MYO3A: variants seen among roughly 807,000 people sequenced by gnomAD.
The protein encoded by MYO3A is myosin IIIA.
MYO3A carries 180 observed loss-of-function variants against 192.7 expected under a neutral mutation model. The ratio of observed to expected loss-of-function variants is 0.93; its 90% CI spans 0.83 to 1.06. The LOEUF (loss-of-function observed/expected upper bound fraction) is 1.06, where lower values mean the gene tolerates loss of function less well. MYO3A is among the 50% of genes least tolerant of loss of function. The pLI is 0.00. For missense variants in MYO3A, 1,896 were observed against 1,905.0 expected (o/e 1.00, Z 0.09); for synonymous variants, 628 against 645.3 (o/e 0.97, Z 0.41).
At chr10:26,010,462 T>G (rs28392527) in intron 6 of MYO3A, among the ~76,000 whole-genome samples, 88 of 136,900 alleles carry the variant, frequency 6.4e-4, no homozygotes, top group Non-Finnish European at 8.6e-4. Context: ...TTTTTTTTTT[T>G]TTTTTTTTTG....
At chr10:25,984,085 G>A (rs1434109293) in intron 4 of MYO3A, among the ~76,000 whole-genome samples, 1 of 152,122 alleles carries the variant, frequency 6.6e-6, no homozygotes, top group East Asian at 1.9e-4. Flanking sequence ...TACCAAGCCA[G>A]CACTACAAGA....
chr10:25,979,334 A>G (rs1839156295), intron 4 of MYO3A, among the ~76,000 whole-genome samples: 1 of 152,112 alleles, frequency 6.6e-6, no homozygotes, highest in African/African-American at 2.4e-5. Flanking sequence ...TAGTTGTAGT[A>G]AGAAAATGAT....
At chr10:26,187,530 G>C (rs1330225398) in intron 31 of MYO3A, among the ~76,000 whole-genome samples, 1 of 151,780 alleles carries the variant, frequency 6.6e-6, no homozygotes, top group Non-Finnish European at 1.5e-5. Flanking sequence ...TAGGGTACAT[G>C]TGCACAACGT....
intron 6 of MYO3A, among the ~76,000 whole-genome samples, chr10:26,012,039 G>C (rs747597844): frequency 2.6e-5 from 4 of 152,032 alleles, no homozygotes; most frequent in Non-Finnish European, 5.9e-5. Context: ...GCATTTAACA[G>C]AATCCATCAT....
At chr10:26,022,438 A>G (rs1398722347) in intron 8 of MYO3A, 2 of 152,222 alleles carry the variant, frequency 1.3e-5, no homozygotes, top group Non-Finnish European at 2.9e-5. Flanking sequence ...CCAAAACATT[A>G]GAATATTTGG....
At chr10:26,178,552 C>CA (rs764277960) in intron 31 of MYO3A, among the ~76,000 whole-genome samples, 1,290 of 101,546 alleles carry the variant, frequency 0.013, 12 homozygotes, top group African/African-American at 0.031. Flanking sequence ...GACTCTGTCT[C>CA]AAAAAAAAAA....
At chr10:26,043,067 G>A (rs1238605339) in intron 10 of MYO3A, among the ~76,000 whole-genome samples, 1 of 151,852 alleles carries the variant, frequency 6.6e-6, no homozygotes, top group African/African-American at 2.4e-5. Context: ...ACTCATAGAA[G>A]TACTTGGATA....
chr10:26,154,871 C>A, intron 25 of MYO3A, 48 bp downstream of exon 25: 1 of 1,488,186 alleles, frequency 6.7e-7, no homozygotes, highest in Non-Finnish European at 9.3e-7. Context: ...GCTATTTAGT[C>A]TAAATGAGTT....
intron 6 of MYO3A, among the ~76,000 whole-genome samples, chr10:26,005,300 T>C (rs1360547157): frequency 6.6e-6 from 1 of 151,520 alleles, no homozygotes; most frequent in African/African-American, 2.4e-5. Context: ...ATAGAACAAC[T>C]GGCCTGAAAT....
At chr10:26,191,194 T>C (rs1202861781) in intron 31 of MYO3A, among the ~76,000 whole-genome samples, 2 of 152,186 alleles carry the variant, frequency 1.3e-5, no homozygotes, top group Non-Finnish European at 2.9e-5. Flanking sequence ...TTTGAAATGA[T>C]AAAAGTTTGC....
At chr10:26,182,290 C>T (rs1021024544) in intron 31 of MYO3A, among the ~76,000 whole-genome samples, 2 of 152,184 alleles carry the variant, frequency 1.3e-5, no homozygotes, top group Non-Finnish European at 2.9e-5. Context: ...ACTAGAGTGT[C>T]ATCTCCAGAT....
chr10:25,967,951 A>G (rs181201524), intron 4 of MYO3A, among the ~76,000 whole-genome samples: 32 of 152,296 alleles, frequency 2.1e-4, no homozygotes, highest in Middle Eastern at 3.4e-3. Flanking sequence ...CCTATGAGAC[A>G]TTACCTAGTA....
chr10:26,060,863 C>T (rs1834422531), intron 10 of MYO3A, among the ~76,000 whole-genome samples: 1 of 152,194 alleles, frequency 6.6e-6, no homozygotes, highest in African/African-American at 2.4e-5. Flanking sequence ...CAGTTGGTTT[C>T]AGGCAAACAT....
At chr10:26,060,509 A>G (rs1246476470) in intron 10 of MYO3A, among the ~76,000 whole-genome samples, 2 of 152,086 alleles carry the variant, frequency 1.3e-5, no homozygotes, top group Non-Finnish European at 2.9e-5. Context: ...ATACAAGAAT[A>G]TTCTAAAGCC....
At chr10:25,956,455 G>A (rs1837543495) in intron 4 of MYO3A, among the ~76,000 whole-genome samples, 1 of 149,852 alleles carries the variant, frequency 6.7e-6, no homozygotes, top group African/African-American at 2.5e-5. Context: ...AGCCTCACAA[G>A]TAGCTGGGAT....
At position 26,070,143 on chromosome 10, in the gene MYO3A, TG is replaced by T; in HGVS notation, c.1204del (p.Ala402ProfsTer12). 1 of 1,612,066 alleles carries T rather than the reference TG, an allele frequency of 6.2e-7. No homozygotes were observed. Among genetic ancestry groups the T allele is most frequent in the South Asian group, 1.1e-5 (1 of 91,014 alleles). ...SKLYIGSKRT[A>X]SPPHIFAMAD... Reference sequence around the variant, plus strand: ...AACTATATATTGGATCAAAGAGAACTGCCAGTCCTCCTCACATTTTTGCAAT... The same window carrying T: ...AACTATATATTGGATCAAAGAGAACTCCAGTCCTCCTCACATTTTTGCAAT... On this transcript the variant is annotated frameshift_variant, in exon 13 of 35. Transcript: ENST00000642920. LOFTEE classifies it high-confidence loss of function.
chr10:26,078,937 T>C (rs1835759866), intron 14 of MYO3A, among the ~76,000 whole-genome samples: 1 of 152,218 alleles, frequency 6.6e-6, no homozygotes, highest in Non-Finnish European at 1.5e-5. Flanking sequence ...TATCATATGG[T>C]CTATCTTGGA....
intron 6 of MYO3A, 72 bp from the exon 7 acceptor site, chr10:26,016,748 A>C: frequency 7.1e-7 from 1 of 1,410,250 alleles, no homozygotes; most frequent in Non-Finnish European, 1.0e-6. Context: ...GTTTGCAAAA[A>C]AGATTATAGC....
rs376105936 is a variant in MYO3A at position 26,170,579 on chromosome 10, A to AT, written c.3398+45dup. 1.2e-4 allele frequency: 193 copies of AT among 1,578,902 alleles called. 1 individual carries two copies. The African/African-American group carries it at 2.4e-3, about 19-fold the overall frequency. ...ATTCTTATACCGTTGTAACATATAG[A>AT]TTTTTCAGATCTGTAAGGTCATAGA... On this transcript the variant is annotated intron_variant, in intron 29 of 34. Coordinates refer to ENST00000642920, the MANE Select transcript of MYO3A (RefSeq NM_017433.5).
Sources: allele counts gnomAD v4.1 joint callset (sites outside exome capture counted in the v4.1 genomes callset), GRCh38; gene constraint gnomAD v4.1.1; transcripts MANE v1.5; gene names NCBI Gene and HGNC (gene_info 2026-07-23, HGNC 2026-07-21).